Variants in KIF16B observed in about 807,000 individuals in gnomAD.
The protein encoded by KIF16B is kinesin-like protein KIF16B.
A neutral mutation model predicts 156.3 loss-of-function variants in KIF16B; 98 were observed. The observed-to-expected ratio is 0.63, with a 90% CI of 0.53 to 0.74. The LOEUF (loss-of-function observed/expected upper bound fraction) is 0.74, where lower values mean the gene tolerates loss of function less well. Ranked by LOEUF, KIF16B falls within the 30% of genes least tolerant of loss-of-function variation. The pLI, the probability that KIF16B is intolerant of heterozygous loss-of-function variation, is 0.00. For synonymous variants in KIF16B, 564 were observed against 583.7 expected (o/e 0.97, Z 0.49); for missense variants, 1,421 against 1,606.5 (o/e 0.88, Z 1.97).
At chr20:16,294,079 G>T (rs1019499742) in intron 25 of KIF16B, among the ~76,000 whole-genome samples, 2 of 152,180 alleles carry the variant, frequency 1.3e-5, no homozygotes, top group East Asian at 1.9e-4. Flanking sequence ...AGTTGCTGCT[G>T]GGGAAGGGGA....
chr20:16,402,583 C>T (rs574164363), intron 17 of KIF16B, among the ~76,000 whole-genome samples: 1 of 152,186 alleles, frequency 6.6e-6, no homozygotes, highest in South Asian at 2.1e-4. Flanking sequence ...TGTACTATGC[C>T]CTGGAGGACG....
intron 6 of KIF16B, 102 bp from the exon 7 acceptor site, chr20:16,508,202 G>C: frequency 1.5e-6 from 2 of 1,344,724 alleles, no homozygotes; most frequent in South Asian, 2.6e-5. Context: ...AAAATCTGCT[G>C]ACCTGTCTGA....
At chr20:16,497,775 C>G (rs2068496033) in intron 10 of KIF16B, 97 bp from the exon 11 acceptor site, 3 of 934,874 alleles carry the variant, frequency 3.2e-6, no homozygotes, top group Non-Finnish European at 5.0e-6. Flanking sequence ...TTCACAGAAA[C>G]TATTAAAGGT....
intron 12 of KIF16B, among the ~76,000 whole-genome samples, chr20:16,453,644 G>A (rs2067141896): frequency 6.6e-6 from 1 of 152,130 alleles, no homozygotes; most frequent in Non-Finnish European, 1.5e-5. Flanking sequence ...AAAAATGGGA[G>A]ATTTATAGGA....
intron 12 of KIF16B, among the ~76,000 whole-genome samples, chr20:16,437,216 A>G (rs966702075): frequency 1.3e-5 from 2 of 152,246 alleles, no homozygotes; most frequent in Admixed American, 6.5e-5. Flanking sequence ...GCAATAGTAC[A>G]GCATTTTCTC....
chr20:16,374,704 T>A (rs74961752), intron 19 of KIF16B, among the ~76,000 whole-genome samples: 6 of 152,148 alleles, frequency 3.9e-5, no homozygotes, highest in African/African-American at 1.4e-4. Context: ...GGTAGGTGTA[T>A]AGGATTCTGA....
chr20:16,463,361 T>C (rs1156608113), intron 12 of KIF16B, among the ~76,000 whole-genome samples: 1 of 152,152 alleles, frequency 6.6e-6, no homozygotes, highest in East Asian at 1.9e-4. Flanking sequence ...GATGGCAAAG[T>C]CACAGTAAGG....
At chr20:16,348,955 C>T (rs1315056069) in intron 23 of KIF16B, among the ~76,000 whole-genome samples, 1 of 152,144 alleles carries the variant, frequency 6.6e-6, no homozygotes, top group Non-Finnish European at 1.5e-5. Flanking sequence ...CTAAGTCTCC[C>T]CTGAACTGAC....
At chr20:16,455,117 C>T (rs545867851) in intron 12 of KIF16B, among the ~76,000 whole-genome samples, 36 of 152,208 alleles carry the variant, frequency 2.4e-4, no homozygotes, top group African/African-American at 3.9e-4. Context: ...GATTCTACAA[C>T]GATAATCAAA....
At chr20:16,508,767 T>C (rs577796323) in intron 6 of KIF16B, among the ~76,000 whole-genome samples, 25 of 152,312 alleles carry the variant, frequency 1.6e-4, no homozygotes, top group African/African-American at 5.3e-4. Context: ...TTAGCTATTA[T>C]ATTATCATCA....
Position 16,573,315 on chromosome 20 carries a change from C to T in KIF16B, c.-40G>A, listed in dbSNP as rs2071526875. The stretch of plus-strand genomic sequence containing the variant: ...CAGCCCGCGCGGGGTCCCACTAGCC[C>T]AGAACTCCGCGGTCGCCGGCGACGC... On this transcript the variant is annotated 5_prime_UTR_variant, in exon 1 of 26. Coordinates refer to ENST00000354981, the MANE Select transcript of KIF16B (RefSeq NM_024704.5). 2.5e-6 allele frequency: 4 copies of T among 1,605,582 alleles called. No individual in the cohort carries two copies. Among genetic ancestry groups the T allele is most frequent in the Non-Finnish European group, 3.4e-6 (4 of 1,176,562 alleles).
At chr20:16,367,947 T>A in intron 22 of KIF16B, 2 of 1,444,810 alleles carry the variant, frequency 1.4e-6, no homozygotes, top group Non-Finnish European at 1.8e-6. Context: ...CAGAGAGAGG[T>A]AGAGCATGAA....
intron 4 of KIF16B, among the ~76,000 whole-genome samples, chr20:16,513,255 A>T (rs929935835): frequency 2.6e-5 from 4 of 152,228 alleles, no homozygotes; most frequent in African/African-American, 9.7e-5. Context: ...ACATGCTCAA[A>T]TGAACAAGGT....
In KIF16B at chr20:16,370,580, A is replaced by T. The variant is rs561659847; in HGVS notation, c.3498+6T>A. 1.9e-6 allele frequency: 3 copies of T among 1,574,032 alleles called. No individual in the cohort carries two copies. In the East Asian group the frequency reaches 7.0e-5, roughly 37 times the overall value. On this transcript the variant is annotated splice_donor_region_variant and intron_variant, in intron 22 of 25. Transcript: ENST00000354981. Reference sequence around the variant, plus strand: ...GACCCTATCAATCTGAAAAATCATTACCTACCTCATATTTTAGTTTACGTT... The same window carrying T: ...GACCCTATCAATCTGAAAAATCATTTCCTACCTCATATTTTAGTTTACGTT...
intron 1 of KIF16B, among the ~76,000 whole-genome samples, chr20:16,536,068 C>G (rs1200097489): frequency 6.6e-6 from 1 of 152,072 alleles, no homozygotes; most frequent in Non-Finnish European, 1.5e-5. Flanking sequence ...TTCACAATAG[C>G]AAAGATATTA....
intron 25 of KIF16B, among the ~76,000 whole-genome samples, chr20:16,298,295 C>T (rs2063420722): frequency 6.6e-6 from 1 of 152,204 alleles, no homozygotes; most frequent in Non-Finnish European, 1.5e-5. Flanking sequence ...CCATGACTAT[C>T]CCTGCAGTTA....
At chr20:16,294,540 T>G (rs2063355993) in intron 25 of KIF16B, among the ~76,000 whole-genome samples, 1 of 152,156 alleles carries the variant, frequency 6.6e-6, no homozygotes, top group Non-Finnish European at 1.5e-5. Context: ...GCAGGCCCAC[T>G]TATCCACAGA....
intron 15 of KIF16B, among the ~76,000 whole-genome samples, chr20:16,426,739 CAATTAT>C (rs2066363012): frequency 6.6e-6 from 1 of 151,906 alleles, no homozygotes; most frequent in South Asian, 2.1e-4. Context: ...ATGTATGTTA[CAATTAT>C]ATCTATTAAG....
At chr20:16,442,697 CA>C (rs1458187049) in intron 12 of KIF16B, among the ~76,000 whole-genome samples, 6 of 152,080 alleles carry the variant, frequency 3.9e-5, no homozygotes, top group Non-Finnish European at 7.4e-5. Context: ...GAACCACCAG[CA>C]GCGGCAAAAT....
Sources: gnomAD v4.1 joint callset for allele counts (sites outside exome capture counted in the v4.1 genomes callset) on GRCh38, gnomAD v4.1.1 for gene constraint, MANE v1.5 for transcripts, NCBI Gene and HGNC (gene_info 2026-07-23, HGNC 2026-07-21) for gene names.